The following CRPPA variants were observed in gnomAD, a reference collection of about 807,000 sequenced individuals.
CRPPA encodes the protein D-ribitol-5-phosphate cytidylyltransferase.
Under a neutral mutation model 52.0 loss-of-function variants are expected in CRPPA, and 43 were observed. The ratio of observed to expected loss-of-function variants is 0.83; its 90% CI spans 0.65 to 1.07. The LOEUF (loss-of-function observed/expected upper bound fraction) is 1.07, where lower values mean the gene tolerates loss of function less well. Ranked by LOEUF, CRPPA falls within the 50% of genes least tolerant of loss-of-function variation. The pLI is 0.00. For synonymous variants in CRPPA, 250 were observed against 203.5 expected (o/e 1.23, Z -1.94); for missense variants, 629 against 551.7 (o/e 1.14, Z -1.40).
intron 9 of CRPPA, among the ~76,000 whole-genome samples, chr7:16,109,602 C>T (rs1053660755): frequency 1.8e-4 from 27 of 151,734 alleles, no homozygotes; most frequent in African/African-American, 2.7e-4. Context: ...ACTAGCAAAC[C>T]GAACAACAAA....
Position 16,278,163 on chromosome 7 carries a change from T to G in CRPPA, c.899A>C (p.His300Pro), listed in dbSNP as rs1345477841. 6.3e-7 allele frequency: 1 copy of G among 1,578,650 alleles called. No homozygotes were observed. Among genetic ancestry groups the G allele is most frequent in the South Asian group, 1.1e-5 (1 of 88,420 alleles). The change falls in exon 6 of 10, where the codon CAT (histidine) becomes CCT (proline). Residue 300 changes from histidine (H) to proline (P), a missense_variant. By Grantham distance (77) the His-to-Pro change is moderately conservative. Coordinates refer to ENST00000407010, the MANE Select transcript of CRPPA (RefSeq NM_001101426.4). The stretch of plus-strand genomic sequence containing the variant: ...ACTTTTCAGCACTTCTTCAAGAAGA[T>G]GACCTACATGTTTGTTATCTTCTTC... ...DTEEDNKHVG[H>P]LLEEVLKSEL...
At chr7:16,352,657 G>T (rs1294582450) in intron 3 of CRPPA, among the ~76,000 whole-genome samples, 1 of 152,122 alleles carries the variant, frequency 6.6e-6, no homozygotes, top group Non-Finnish European at 1.5e-5. Flanking sequence ...TGGTAATATT[G>T]TAAGTTAGTA....
At chr7:16,164,217 T>G (rs1376014374) in intron 9 of CRPPA, among the ~76,000 whole-genome samples, 2 of 152,196 alleles carry the variant, frequency 1.3e-5, no homozygotes, top group African/African-American at 4.8e-5. Flanking sequence ...CTTTTCATTC[T>G]TTGTTCTCTA....
chr7:16,397,224 A>G (rs1787614118), intron 2 of CRPPA, among the ~76,000 whole-genome samples: 1 of 152,252 alleles, frequency 6.6e-6, no homozygotes, highest in South Asian at 2.1e-4. Context: ...CACGTATGTG[A>G]TACGAACATA....
chr7:16,226,948 A>G lies in CRPPA; in HGVS notation c.1120-10751T>C, dbSNP rs1278567921. 2.6e-5 allele frequency among the ~76,000 whole-genome samples: 4 copies of G among 151,862 alleles called. No homozygotes were observed. In the East Asian group the frequency reaches 7.7e-4, roughly 29 times the overall value. On this transcript the variant is annotated intron_variant, in intron 8 of 9. Coordinates refer to ENST00000407010, the MANE Select transcript of CRPPA (RefSeq NM_001101426.4). ...CCCTAACCCTCTACTATCTGCTGCC[A>G]TAGTATCAACTCTTTCAGATTCCAC... is the stretch of plus-strand genomic sequence containing the variant.
At chr7:16,259,139 G>A (rs2128412582) in intron 6 of CRPPA, 127 bp from the exon 7 acceptor site, 1 of 452,356 alleles carries the variant, frequency 2.2e-6, no homozygotes, top group East Asian at 3.5e-5. Context: ...TTAAAAAAAT[G>A]AAACATGCTG....
chr7:16,091,653 C>T lies in CRPPA; in HGVS notation c.*42G>A, dbSNP rs372087606. 86 of 1,114,868 alleles carry T rather than the reference C, an allele frequency of 7.7e-5. No individual in the cohort carries two copies. Among genetic ancestry groups the T allele is most frequent in the African/African-American group, 2.2e-4 (14 of 63,910 alleles). 69.1% of individuals were successfully genotyped at this position (1,114,868 alleles called of 1,614,324 possible). ...GGGGGCACAAAGCACAATTAAGATA[C>T]GCAAATAGATGTTTTAGAAAATAGG... is the stretch of plus-strand genomic sequence containing the variant. On this transcript the variant is annotated 3_prime_UTR_variant, in exon 10 of 10. Transcript: ENST00000407010.
intron 3 of CRPPA, among the ~76,000 whole-genome samples, chr7:16,331,166 A>AT (rs1246701909): frequency 6.6e-6 from 1 of 151,824 alleles, no homozygotes; most frequent in African/African-American, 2.4e-5. Flanking sequence ...TGCCCGGCTA[A>AT]TTTTTTGTAT....
intron 9 of CRPPA, among the ~76,000 whole-genome samples, chr7:16,187,732 A>C (rs1781534339): frequency 6.6e-6 from 1 of 152,174 alleles, no homozygotes; most frequent in Non-Finnish European, 1.5e-5. Flanking sequence ...ATTTTGAGGG[A>C]ATATGGGATT....
intron 3 of CRPPA, among the ~76,000 whole-genome samples, chr7:16,329,130 T>C (rs969260557): frequency 6.6e-6 from 1 of 150,902 alleles, no homozygotes; most frequent in Admixed American, 6.6e-5. Flanking sequence ...TGGGGATTTT[T>C]CCATAGGCAA....
chr7:16,298,465 C>T (rs1784718949), intron 5 of CRPPA, among the ~76,000 whole-genome samples: 2 of 152,148 alleles, frequency 1.3e-5, no homozygotes, highest in African/African-American at 4.8e-5. Context: ...AACAATAACA[C>T]TACTATAATA....
intron 9 of CRPPA, among the ~76,000 whole-genome samples, chr7:16,156,725 GT>G (rs1308057168): frequency 1.3e-5 from 2 of 152,196 alleles, no homozygotes; most frequent in Non-Finnish European, 2.9e-5. Context: ...CAGTCTTCAT[GT>G]TAAACGATCA....
At chr7:16,345,825 T>A (rs1015912459) in intron 3 of CRPPA, among the ~76,000 whole-genome samples, 40 of 152,256 alleles carry the variant, frequency 2.6e-4, no homozygotes, top group African/African-American at 9.4e-4. Context: ...AGTATAGAAA[T>A]CTGCTGCTAC....
At chr7:16,261,097 C>A (rs1226103909) in intron 6 of CRPPA, among the ~76,000 whole-genome samples, 1 of 151,846 alleles carries the variant, frequency 6.6e-6, no homozygotes, top group African/African-American at 2.4e-5. Context: ...TATGTAGTAA[C>A]CAGGAAAGAC....
chr7:16,216,292 C>T, intron 8 of CRPPA, 95 bp from the exon 9 acceptor site: 1 of 700,360 alleles, frequency 1.4e-6, no homozygotes, highest in Non-Finnish European at 2.3e-6. Flanking sequence ...CATATGATTA[C>T]AATATTGCAA....
intron 8 of CRPPA, among the ~76,000 whole-genome samples, chr7:16,241,608 T>A (rs971313445): frequency 1.3e-5 from 2 of 152,212 alleles, no homozygotes; most frequent in African/African-American, 2.4e-5. Context: ...ATTTGGTACA[T>A]ATTATATGAA....
rs371204159 is a variant in CRPPA at position 16,091,688 on chromosome 7, G to C, written c.*7C>G. On this transcript the variant is annotated 3_prime_UTR_variant, in exon 10 of 10. Coordinates refer to ENST00000407010, the MANE Select transcript of CRPPA (RefSeq NM_001101426.4). ...TGTTTTAGAAAATAGGTAATTTTTTGTGTTCTTCATGCTATCAGAAGCTGA... is the reference window on the plus strand; with the variant it reads ...TGTTTTAGAAAATAGGTAATTTTTTCTGTTCTTCATGCTATCAGAAGCTGA... 2.7e-6 allele frequency: 4 copies of C among 1,484,904 alleles called. No individual in the cohort carries two copies. The highest frequency in any genetic ancestry group is 3.7e-6 in the Non-Finnish European group (4 of 1,091,966). The allele number at this position is 1,484,904 out of a possible 1,614,324, so 92.0% of individuals were successfully genotyped here.
intron 9 of CRPPA, among the ~76,000 whole-genome samples, chr7:16,106,577 T>C (rs1782156130): frequency 6.6e-6 from 1 of 152,194 alleles, no homozygotes; most frequent in Non-Finnish European, 1.5e-5. Flanking sequence ...GTTCTACCCG[T>C]CTGGGGTTGT....
intron 8 of CRPPA, among the ~76,000 whole-genome samples, chr7:16,254,672 G>A (rs933705387): frequency 2.6e-5 from 4 of 151,598 alleles, no homozygotes; most frequent in African/African-American, 9.7e-5. Flanking sequence ...TACCAACATG[G>A]CACATGTGTA....
Sources: gnomAD v4.1 joint callset for allele counts (sites outside exome capture counted in the v4.1 genomes callset) on GRCh38, gnomAD v4.1.1 for gene constraint, MANE v1.5 for transcripts, NCBI Gene and HGNC (gene_info 2026-07-23, HGNC 2026-07-21) for gene names.